Variants in CAPS2 observed in about 807,000 individuals in gnomAD.
CAPS2 encodes the protein calcyphosin-2.
Under a neutral mutation model 86.5 loss-of-function variants are expected in CAPS2, and 98 were observed. That is an observed-to-expected ratio of 1.13 (90% CI 0.96 to 1.34). The LOEUF (loss-of-function observed/expected upper bound fraction) is 1.34, where lower values mean the gene tolerates loss of function less well. CAPS2 is among the 40% of genes most tolerant of loss of function. CAPS2 has a pLI of 0.00. For synonymous variants in CAPS2, 210 were observed against 225.1 expected, an observed-to-expected ratio of 0.93 and a Z score of 0.60; for missense variants, 729 against 686.8, an observed-to-expected ratio of 1.06 and a Z score of -0.69.
intron 16 of CAPS2, among the ~76,000 whole-genome samples, chr12:75,279,886 C>G (rs1413158837): frequency 6.6e-6 from 1 of 151,906 alleles, no homozygotes; most frequent in Non-Finnish European, 1.5e-5. Context: ...TCTTTGTTTA[C>G]CAGCCATACT....
chr12:75,357,883 A>G (rs1191386219), intron 1 of CAPS2, among the ~76,000 whole-genome samples: 1 of 151,804 alleles, frequency 6.6e-6, no homozygotes, highest in East Asian at 1.9e-4. Flanking sequence ...CCAAAGGCCC[A>G]CAATAGAAAA....
At chr12:75,291,581 A>ATG (rs2035935068) in intron 13 of CAPS2, among the ~76,000 whole-genome samples, 163 bp downstream of exon 13, 1 of 68,704 alleles carries the variant, frequency 1.5e-5, no homozygotes, top group Non-Finnish European at 3.3e-5. Flanking sequence ...ATATATATAT[A>ATG]TATATATATA....
chr12:75,302,583 C>G (rs999203511), intron 8 of CAPS2, among the ~76,000 whole-genome samples: 3 of 151,952 alleles, frequency 2.0e-5, no homozygotes, highest in African/African-American at 7.3e-5. Context: ...GTTTTTGAGA[C>G]AGATATAATC....
At chr12:75,382,132 A>G (rs2045029189) in intron 1 of CAPS2, among the ~76,000 whole-genome samples, 1 of 146,722 alleles carries the variant, frequency 6.8e-6, no homozygotes, top group Non-Finnish European at 1.5e-5. Flanking sequence ...AGAAAAGATC[A>G]ATCGAGTATG....
chr12:75,311,737 AAAAAC>A (rs2039242996), intron 7 of CAPS2, among the ~76,000 whole-genome samples: 1 of 132,974 alleles, frequency 7.5e-6, no homozygotes. Context: ...AAAAAAAAAA[AAAAAC>A]CTGCCTCAAA....
intron 1 of CAPS2, among the ~76,000 whole-genome samples, chr12:75,377,390 G>A (rs2044704880): frequency 6.6e-6 from 1 of 152,266 alleles, no homozygotes; most frequent in African/African-American, 2.4e-5. Context: ...GAAATCCCAC[G>A]ATAGGCCATC....
intron 1 of CAPS2, among the ~76,000 whole-genome samples, chr12:75,359,232 G>A (rs2043380048): frequency 6.6e-6 from 1 of 150,822 alleles, no homozygotes; most frequent in African/African-American, 2.4e-5. Flanking sequence ...TCTAGGAATA[G>A]ATCTGGCAAA....
chr12:75,384,406 T>C (rs1193990760), intron 1 of CAPS2, among the ~76,000 whole-genome samples: 1 of 152,074 alleles, frequency 6.6e-6, no homozygotes, highest in Non-Finnish European at 1.5e-5. Context: ...ATAATCTAGA[T>C]GAACGGGCCA....
At chr12:75,384,536 A>G (rs1016682426) in intron 1 of CAPS2, among the ~76,000 whole-genome samples, 5 of 152,230 alleles carry the variant, frequency 3.3e-5, no homozygotes, top group Middle Eastern at 3.2e-3. Context: ...AGAAAGCACC[A>G]GGCCCAGATA....
At chr12:75,283,957 C>T (rs956675097) in intron 15 of CAPS2, among the ~76,000 whole-genome samples, 1 of 152,170 alleles carries the variant, frequency 6.6e-6, no homozygotes, top group African/African-American at 2.4e-5. Flanking sequence ...TGTTTGTGAA[C>T]TTCTAACCTC....
chr12:75,376,842 T>TTTG (rs1184601840), intron 1 of CAPS2, among the ~76,000 whole-genome samples: 7 of 152,116 alleles, frequency 4.6e-5, no homozygotes, highest in Non-Finnish European at 1.0e-4. Flanking sequence ...AATTTAGCCC[T>TTTG]TTGTCTTCAG....
intron 1 of CAPS2, among the ~76,000 whole-genome samples, chr12:75,387,160 T>C (rs921763107): frequency 6.6e-6 from 1 of 152,078 alleles, no homozygotes; most frequent in African/African-American, 2.4e-5. Flanking sequence ...ACAGAAGATA[T>C]ATGCAATAAA....
At chr12:75,280,252 T>C (rs970173314) in intron 16 of CAPS2, among the ~76,000 whole-genome samples, 1 of 151,938 alleles carries the variant, frequency 6.6e-6, no homozygotes. Flanking sequence ...TTAAAATCAA[T>C]TGTAAATTGT....
At chr12:75,369,960 G>T in intron 1 of CAPS2, 2 of 1,090,918 alleles carry the variant, frequency 1.8e-6, no homozygotes, top group South Asian at 1.7e-5. Context: ...TTTACTTTAG[G>T]GACTCCACAA....
upstream of CAPS2, chr12:75,333,762 C>T (rs1371740156): frequency 1.3e-5 from 2 of 151,984 alleles, no homozygotes; most frequent in Non-Finnish European, 2.9e-5. Flanking sequence ...AGTACGTGTT[C>T]ACTTGAATTA....
chr12:75,327,773 C>A (rs1009264459), upstream of CAPS2, among the ~76,000 whole-genome samples: 4 of 149,958 alleles, frequency 2.7e-5, no homozygotes, highest in African/African-American at 9.7e-5. Context: ...ATTCAATAAA[C>A]GGTAGCCATC....
chr12:75,390,806 C>T (rs978994767), intron 1 of CAPS2: 2 of 569,154 alleles, frequency 3.5e-6, no homozygotes, highest in African/African-American at 3.7e-5. Context: ...TAACATTTCA[C>T]TACATTAGTT....
At chr12:75,334,784 C>T (rs1452734463), upstream of CAPS2, 4 of 1,614,046 alleles carry the variant, frequency 2.5e-6, no homozygotes, top group South Asian at 1.1e-5. Context: ...TGTTTGGTAG[C>T]CACTACATCT....
chr12:75,326,453 T>C, exon 1 of CAPS2: 1 of 1,538,716 alleles, frequency 6.5e-7, no homozygotes, highest in Non-Finnish European at 8.8e-7. Flanking sequence ...AATGGCTGAA[T>C]TTGGCTCCTA....
Sources: gnomAD v4.1 joint callset for allele counts (sites outside exome capture counted in the v4.1 genomes callset) on GRCh38, gnomAD v4.1.1 for gene constraint, MANE v1.5 for transcripts, NCBI Gene and HGNC (gene_info 2026-07-23, HGNC 2026-07-21) for gene names.